Variants in ZC3H14 observed in about 807,000 individuals in gnomAD.
ZC3H14 encodes zinc finger CCCH-type containing 14.
Under a neutral mutation model 92.4 loss-of-function variants are expected in ZC3H14, and 31 were observed. That is an observed-to-expected ratio of 0.34 (90% CI 0.25 to 0.45). The LOEUF is 0.45. Ranked by LOEUF, ZC3H14 falls within the 20% of genes least tolerant of loss-of-function variation. The pLI is 1.00. For missense variants in ZC3H14, 781 were observed against 897.3 expected (o/e 0.87, Z 1.66); for synonymous variants, 321 against 300.9 (o/e 1.07, Z -0.69).
chr14:88,571,006 T>C, intron 3 of ZC3H14, 78 bp from the exon 4 acceptor site: 1 of 1,164,034 alleles, frequency 8.6e-7, no homozygotes, highest in Non-Finnish European at 1.2e-6. Context: ...GAATATAATG[T>C]CATAAATTTA....
At chr14:88,576,605 G>A (rs1435574588) in intron 8 of ZC3H14, among the ~76,000 whole-genome samples, 2 of 152,172 alleles carry the variant, frequency 1.3e-5, no homozygotes, top group South Asian at 2.1e-4. Context: ...CTCTCTGGCC[G>A]ACCTGTTGTA....
At chr14:88,567,112 T>TTTTATTTA (rs200376415) in intron 2 of ZC3H14, among the ~76,000 whole-genome samples, 150 of 10,920 alleles carry the variant, frequency 0.014, 1 homozygote, top group Non-Finnish European at 0.081. Context: ...CTTTTATTTA[T>TTTTATTTA]TTTATTTATT....
chr14:88,563,079 G>A lies in ZC3H14; in HGVS notation c.-55G>A. On this transcript the variant is annotated 5_prime_UTR_variant, in exon 1 of 17. Transcript: ENST00000251038. ...GGCTGCGGGGTAGGAGTCCGCGGCA[G>A]CCTCCGGGTAAGCCAAGCGCCGCGC... is the stretch of plus-strand genomic sequence containing the variant. 15 of 1,550,052 alleles carry A rather than the reference G, an allele frequency of 9.7e-6. No homozygotes were observed. Among genetic ancestry groups the A allele is most frequent in the Non-Finnish European group, 1.2e-5 (14 of 1,154,802 alleles).
intron 9 of ZC3H14, among the ~76,000 whole-genome samples, chr14:88,585,107 A>G (rs1327115454): frequency 1.3e-5 from 2 of 152,164 alleles, no homozygotes; most frequent in East Asian, 3.8e-4. Flanking sequence ...TTAAGGGTCA[A>G]CTATATATTA....
In ZC3H14 at chr14:88,572,215, A is replaced by G. The variant is rs764107860; in HGVS notation, c.421A>G (p.Thr141Ala). Residue 141 changes from threonine (T) to alanine (A), a missense_variant, in exon 5 of 17, where the codon ACA becomes GCA. Thr to Ala is a moderately conservative substitution (Grantham distance 58). Around this residue, in one of 3 missense-constraint regions of ZC3H14, gnomAD observed 454 missense variants for 438.5 expected, o/e 1.04. Transcript: ENST00000251038. ...TACAAGTTCGCAGGAGTCAAAAACC[A>G]CAAATGTCAGGTAAGAGTCTGGTGT... ...VSTSSQESKT[T>A]NVRQTYDDGA... The G allele has an allele frequency of 3.7e-6, 6 of 1,614,170 alleles. No individual in the cohort carries two copies. Among genetic ancestry groups the G allele is most frequent in the Non-Finnish European group, 5.1e-6 (6 of 1,180,030 alleles).
Position 88,613,899 on chromosome 14 carries a change from G to C in ZC3H14, c.*2148G>C, listed in dbSNP as rs747622180. 6.6e-6 allele frequency: 1 copy of C among 152,190 alleles called. No homozygotes were observed. The highest frequency in any genetic ancestry group is 1.5e-5 in the Non-Finnish European group (1 of 68,036). The allele number at this position is 152,190 out of a possible 1,614,324, so 9.4% of individuals were successfully genotyped here. A position where few individuals can be genotyped will look rare whatever the true frequency, so the allele number is the denominator to read the frequency against. On this transcript the variant is annotated 3_prime_UTR_variant, in exon 17 of 17. Coordinates refer to ENST00000251038, the MANE Select transcript of ZC3H14 (RefSeq NM_024824.5). The stretch of plus-strand genomic sequence containing the variant: ...CTTCACCTTCCCCTCGTTGCTGGCT[G>C]ATACAGCGAGGTGGTCAGCTGATGA...
In ZC3H14 at chr14:88,627,368, TTAA is replaced by T; in HGVS notation, c.*15624_*15626del. On this transcript the variant is annotated 3_prime_UTR_variant, in exon 17 of 17. Coordinates refer to ENST00000251038, the MANE Select transcript of ZC3H14 (RefSeq NM_024824.5). ...AGAATCTCCAAAACCAATCAAATCA[TTAA>T]TAATAAATACATAGTTTCTTGCTGG... is the stretch of plus-strand genomic sequence containing the variant. 1 of 460,934 alleles carries T rather than the reference TTAA, an allele frequency of 2.2e-6. No homozygotes were observed. Among genetic ancestry groups the T allele is most frequent in the Non-Finnish European group, 3.8e-6 (1 of 262,032 alleles). The allele number at this position is 460,934 out of a possible 1,614,324, so 28.6% of individuals were successfully genotyped here. A position where few individuals can be genotyped will look rare whatever the true frequency, so the allele number is the denominator to read the frequency against.
intron 10 of ZC3H14, among the ~76,000 whole-genome samples, chr14:88,600,939 G>A (rs533204208): frequency 6.6e-6 from 1 of 152,064 alleles, no homozygotes; most frequent in East Asian, 1.9e-4. Context: ...TTCTACGTGC[G>A]TTTTCCTCTG....
Position 88,602,949 on chromosome 14 carries a change from C to A in ZC3H14, c.1636C>A (p.Pro546Thr). Reference sequence around the variant, plus strand: ...GGACATGTGCTTTGAAGGAATGAAACCCGTAAACCAAACTGCAGCCTCAAA... The same window carrying A: ...GGACATGTGCTTTGAAGGAATGAAAACCGTAAACCAAACTGCAGCCTCAAA... The part of the protein sequence containing the change: ...EEDMCFEGMK[P>T]VNQTAASNKG... The change falls in exon 12 of 17, where the codon CCC becomes ACC. Residue 546 changes from proline to threonine, a missense_variant. Pro to Thr is a conservative substitution (Grantham distance 38). Transcript: ENST00000251038. 1 of 1,614,104 alleles carries A rather than the reference C, an allele frequency of 6.2e-7. No individual in the cohort carries two copies. The highest frequency in any genetic ancestry group is 8.5e-7 in the Non-Finnish European group (1 of 1,180,018).
intron 9 of ZC3H14, among the ~76,000 whole-genome samples, chr14:88,593,866 A>G (rs889765063): frequency 6.7e-6 from 1 of 148,422 alleles, no homozygotes; most frequent in Admixed American, 6.9e-5. Flanking sequence ...ATCAAAATTT[A>G]GTATTTTTGT....
At chr14:88,602,794 C>T (rs1430487182) in intron 11 of ZC3H14, 34 bp from the exon 12 acceptor site, 9 of 1,608,254 alleles carry the variant, frequency 5.6e-6, no homozygotes, top group Admixed American at 3.4e-5. Context: ...TGTTTGTTTC[C>T]CTAATTCTAT....
chr14:88,570,565 A>C (rs994931266), intron 3 of ZC3H14, among the ~76,000 whole-genome samples: 5 of 152,224 alleles, frequency 3.3e-5, no homozygotes, highest in African/African-American at 7.2e-5. Flanking sequence ...AATAATAAGC[A>C]ATATTACATG....
At chr14:88,609,847 C>T (rs761882511) in intron 15 of ZC3H14, 44 bp downstream of exon 15, 1 of 1,576,900 alleles carries the variant, frequency 6.3e-7, no homozygotes, top group Admixed American at 1.7e-5. Context: ...GACAACATCT[C>T]AATTTCCTCA....
chr14:88,566,017 G>GCCCCCC (rs2079532433), intron 2 of ZC3H14, among the ~76,000 whole-genome samples: 1 of 13,398 alleles, frequency 7.5e-5, no homozygotes, highest in Non-Finnish European at 1.8e-4. Flanking sequence ...ACAGGCACCT[G>GCCCCCC]CCACCACCCC....
chr14:88,621,695 G>A lies in ZC3H14; in HGVS notation c.*9944G>A, dbSNP rs2088971895. 3.6e-6 allele frequency: 1 copy of A among 278,854 alleles called. No individual in the cohort carries two copies. The allele number at this position is 278,854 out of a possible 1,614,324, so 17.3% of individuals were successfully genotyped here. ...TTAACTACAATTTAATATGCAGGCT[G>A]AAGATAATATCCGTATGATTTATAA... On this transcript the variant is annotated 3_prime_UTR_variant, in exon 17 of 17. Coordinates refer to ENST00000251038, the MANE Select transcript of ZC3H14 (RefSeq NM_024824.5).
chr14:88,626,929 A>G lies in ZC3H14; in HGVS notation c.*15178A>G. On this transcript the variant is annotated 3_prime_UTR_variant, in exon 17 of 17. Coordinates refer to ENST00000251038, the MANE Select transcript of ZC3H14 (RefSeq NM_024824.5). ...TTTGCTAAGAAGAGCTCTTCCTGCCAGGGTCCAGAACTTCACATGTTTTAC... is the reference window on the plus strand; with the variant it reads ...TTTGCTAAGAAGAGCTCTTCCTGCCGGGGTCCAGAACTTCACATGTTTTAC... 6.2e-7 allele frequency: 1 copy of G among 1,614,006 alleles called. No individual in the cohort carries two copies. The highest frequency in any genetic ancestry group is 8.5e-7 in the Non-Finnish European group (1 of 1,179,884).
chr14:88,581,358 A>G (rs950015665), intron 9 of ZC3H14, among the ~76,000 whole-genome samples: 8 of 152,084 alleles, frequency 5.3e-5, no homozygotes, highest in Non-Finnish European at 7.4e-5. Context: ...CAGGAGTTCA[A>G]AAGCAGCCTG....
intron 6 of ZC3H14, among the ~76,000 whole-genome samples, chr14:88,573,504 A>G (rs566618618): frequency 5.9e-5 from 9 of 152,012 alleles, no homozygotes; most frequent in South Asian, 2.1e-4. Flanking sequence ...CGCGATCTCA[A>G]CTCACTGCAA....
chr14:88,568,992 C>G (rs2080054145), intron 3 of ZC3H14, among the ~76,000 whole-genome samples: 1 of 151,968 alleles, frequency 6.6e-6, no homozygotes, highest in Non-Finnish European at 1.5e-5. Context: ...AGTGATCATC[C>G]CATTGCAGTC....
Sources: gnomAD v4.1 joint callset for allele counts (sites outside exome capture counted in the v4.1 genomes callset) on GRCh38, gnomAD v4.1.1 for gene constraint, gnomAD v4.1.1 regional missense constraint, MANE v1.5 for transcripts, NCBI Gene and HGNC (gene_info 2026-07-23, HGNC 2026-07-21) for gene names.